Variants in PALS1 observed in about 807,000 individuals in gnomAD.
The protein encoded by PALS1 is protein associated with LIN7 1, MAGUK p55 family member, also known as protein PALS1.
PALS1 carries 31 observed loss-of-function variants against 78.9 expected under a neutral mutation model. The ratio of observed to expected loss-of-function variants is 0.39; its 90% CI spans 0.30 to 0.53. The LOEUF (loss-of-function observed/expected upper bound fraction) is 0.53. PALS1 is among the 20% of genes least tolerant of loss of function. The probability of loss-of-function intolerance (pLI) is 0.67; values close to 1 mark genes in which losing one functional copy is unlikely to be tolerated. For missense variants in PALS1, 704 were observed against 826.5 expected (o/e 0.85, Z 1.82); for synonymous variants, 276 against 270.9 (o/e 1.02, Z -0.18).
intron 3 of PALS1, among the ~76,000 whole-genome samples, chr14:67,291,233 G>GT (rs2084767358): frequency 7.0e-6 from 1 of 143,270 alleles, no homozygotes; most frequent in Non-Finnish European, 1.5e-5. Flanking sequence ...GACTACCAGT[G>GT]CTTTTTTTTT....
At chr14:67,282,796 A>G (rs895254929) in intron 3 of PALS1, among the ~76,000 whole-genome samples, 2 of 152,154 alleles carry the variant, frequency 1.3e-5, no homozygotes, top group Non-Finnish European at 2.9e-5. Flanking sequence ...AATCAGAGCA[A>G]ACTACCTTGT....
rs148896139 is a variant in PALS1, at chr14:67,321,210, G to A, written c.1691G>A (p.Arg564Gln). ...NLYGTSIDSV[R>Q]QVINSGKICL... ...TATGGAACTAGCATAGATTCTGTAC[G>A]GCAAGTGATCAACTCTGGCAAAATA... The change falls in exon 13 of 15, where the codon CGG (arginine) becomes CAG (glutamine). Residue 564 changes from arginine to glutamine, a missense_variant. Arg to Gln is a conservative substitution (Grantham distance 43). Coordinates refer to ENST00000261681, the MANE Select transcript of PALS1 (RefSeq NM_022474.4). The A allele has an allele frequency of 1.2e-5, 19 of 1,614,156 alleles. No individual in the cohort carries two copies. In the South Asian group the frequency reaches 1.4e-4, roughly 12 times the overall value.
intron 2 of PALS1, among the ~76,000 whole-genome samples, chr14:67,276,702 C>T (rs568813772): frequency 2.0e-5 from 3 of 152,008 alleles, no homozygotes; most frequent in Non-Finnish European, 4.4e-5. Flanking sequence ...GGGGAGATAA[C>T]CAAAATGAAA....
intron 13 of PALS1, among the ~76,000 whole-genome samples, chr14:67,322,262 C>T (rs977004425): frequency 4.6e-5 from 7 of 152,048 alleles, no homozygotes; most frequent in Non-Finnish European, 8.8e-5. Flanking sequence ...GTGGGAAAAT[C>T]GCCTGAGCCA....
At chr14:67,325,983 T>TTTC (rs1555341048) in intron 14 of PALS1, among the ~76,000 whole-genome samples, 1 of 144,760 alleles carries the variant, frequency 6.9e-6, no homozygotes, top group African/African-American at 2.6e-5. Flanking sequence ...TCTTTTCTTT[T>TTTC]TTTTTTTTTT....
chr14:67,291,975 T>C (rs2084779331), intron 3 of PALS1, among the ~76,000 whole-genome samples: 1 of 152,222 alleles, frequency 6.6e-6, no homozygotes, highest in Admixed American at 6.5e-5. Flanking sequence ...CAAATTTATA[T>C]GTAGCACTGA....
At chr14:67,272,952 G>A (rs928930522) in intron 2 of PALS1, among the ~76,000 whole-genome samples, 2 of 152,084 alleles carry the variant, frequency 1.3e-5, no homozygotes, top group African/African-American at 4.8e-5. Flanking sequence ...GGAATTACAG[G>A]CGTGAGCCAC....
At chr14:67,323,924 A>AT (rs1275906287) in intron 14 of PALS1, 112 bp downstream of exon 14, 2 of 608,042 alleles carry the variant, frequency 3.3e-6, no homozygotes, top group Non-Finnish European at 5.7e-6. Flanking sequence ...CAAACTGATT[A>AT]TTTTTTCTGT....
intron 1 of PALS1, among the ~76,000 whole-genome samples, chr14:67,245,340 C>G (rs1239871860): frequency 6.6e-6 from 1 of 152,034 alleles, no homozygotes; most frequent in Admixed American, 6.6e-5. Flanking sequence ...TAGATTTAGC[C>G]ATTTTAGTAG....
intron 2 of PALS1, among the ~76,000 whole-genome samples, chr14:67,273,862 T>C (rs1349342110): frequency 2.6e-5 from 4 of 152,226 alleles, no homozygotes; most frequent in South Asian, 2.1e-4. Flanking sequence ...TTGCATTTCT[T>C]TGATGACCAG....
intron 3 of PALS1, among the ~76,000 whole-genome samples, chr14:67,281,860 C>CT (rs1258239131): frequency 1.3e-5 from 2 of 151,236 alleles, no homozygotes; most frequent in African/African-American, 4.9e-5. Context: ...CTATTGCTGA[C>CT]TTTTTTACAA....
intron 1 of PALS1, among the ~76,000 whole-genome samples, chr14:67,261,789 C>T (rs2084242174): frequency 6.6e-6 from 1 of 151,854 alleles, no homozygotes; most frequent in South Asian, 2.1e-4. Flanking sequence ...GTACTTTGAG[C>T]AATAGATATC....
chr14:67,257,319 A>C, intron 1 of PALS1, among the ~76,000 whole-genome samples: 1 of 151,902 alleles, frequency 6.6e-6, no homozygotes, highest in Non-Finnish European at 1.5e-5. Flanking sequence ...TCCTTTATCC[A>C]CAAGGAATTT....
At chr14:67,320,959 CTG>C (rs2085254279) in intron 12 of PALS1, 96 bp from the exon 13 acceptor site, 2 of 927,070 alleles carry the variant, frequency 2.2e-6, no homozygotes, top group African/African-American at 1.7e-5. Context: ...ATTTTATAAT[CTG>C]TGTTACAAAA....
intron 1 of PALS1, among the ~76,000 whole-genome samples, chr14:67,250,737 T>G (rs555597568): frequency 3.5e-4 from 54 of 152,340 alleles, no homozygotes; most frequent in African/African-American, 1.2e-3. Context: ...GGGTAATCAG[T>G]ACATACTTAG....
At chr14:67,309,810 T>C (rs2085060209) in intron 8 of PALS1, among the ~76,000 whole-genome samples, 1 of 152,144 alleles carries the variant, frequency 6.6e-6, no homozygotes, top group South Asian at 2.1e-4. Flanking sequence ...ATAAACATCC[T>C]AGGCAGGTGA....
chr14:67,255,160 A>G (rs1159526251), intron 1 of PALS1, among the ~76,000 whole-genome samples: 1 of 152,176 alleles, frequency 6.6e-6, no homozygotes. Context: ...AAAAAAAAAA[A>G]AAGTTCGAAT....
chr14:67,285,444 G>GC (rs1407286692), intron 3 of PALS1, among the ~76,000 whole-genome samples: 1 of 148,450 alleles, frequency 6.7e-6, no homozygotes, highest in Admixed American at 6.9e-5. Context: ...TCGGCTCACT[G>GC]CAAGCTCCAC....
At chr14:67,245,632 A>G (rs911555331) in intron 1 of PALS1, among the ~76,000 whole-genome samples, 1 of 152,062 alleles carries the variant, frequency 6.6e-6, no homozygotes, top group Non-Finnish European at 1.5e-5. Context: ...GATAACACGC[A>G]TGAGCCGCTG....
Sources: gnomAD v4.1 joint callset for allele counts (sites outside exome capture counted in the v4.1 genomes callset) on GRCh38, gnomAD v4.1.1 for gene constraint, MANE v1.5 for transcripts, NCBI Gene and HGNC (gene_info 2026-07-23, HGNC 2026-07-21) for gene names.